The following UBR1 variants were observed in gnomAD, a reference collection of about 807,000 sequenced individuals.
UBR1 encodes E3 ubiquitin-protein ligase UBR1.
In UBR1, 102 loss-of-function variants were observed where a neutral mutation model predicts 242.1. The observed-to-expected ratio is 0.42, with a 90% CI of 0.36 to 0.50. The LOEUF (loss-of-function observed/expected upper bound fraction) is 0.50, where lower values mean the gene tolerates loss of function less well. Ranked by LOEUF, UBR1 falls within the 20% of genes least tolerant of loss-of-function variation. The pLI is 0.01. For synonymous variants in UBR1, 675 were observed against 684.8 expected, an observed-to-expected ratio of 0.99 and a Z score of 0.22; for missense variants, 1,772 against 2,101.8, an observed-to-expected ratio of 0.84 and a Z score of 3.07.
At chr15:43,044,385 A>G (rs2033457650) in intron 14 of UBR1, among the ~76,000 whole-genome samples, 1 of 152,350 alleles carries the variant, frequency 6.6e-6, no homozygotes, top group East Asian at 1.9e-4. Context: ...AGGACAAAAA[A>G]GAATGAACCC....
At chr15:42,994,258 C>T (rs751831134) in intron 33 of UBR1, among the ~76,000 whole-genome samples, 8 of 151,406 alleles carry the variant, frequency 5.3e-5, no homozygotes, top group Non-Finnish European at 1.0e-4. Flanking sequence ...ATTAATAATC[C>T]ATGGAAAGGC....
intron 35 of UBR1, 147 bp from the exon 36 acceptor site, chr15:42,985,089 C>T: frequency 1.6e-6 from 1 of 614,346 alleles, no homozygotes; most frequent in Non-Finnish European, 2.6e-6. Flanking sequence ...TAAGTCTATG[C>T]CAAAATTTTC....
chr15:42,961,836 C>A (rs1383588249), intron 42 of UBR1, among the ~76,000 whole-genome samples: 1 of 152,012 alleles, frequency 6.6e-6, no homozygotes, highest in South Asian at 2.1e-4. Context: ...CTCACTGCAA[C>A]CTTCGCCTCC....
chr15:42,960,103 C>T (rs977666539), intron 43 of UBR1, among the ~76,000 whole-genome samples: 6 of 151,956 alleles, frequency 3.9e-5, no homozygotes, highest in Non-Finnish European at 8.8e-5. Context: ...ATGAGAGAGA[C>T]TATATTAGGG....
At chr15:43,053,823 C>T (rs963122662) in intron 12 of UBR1, among the ~76,000 whole-genome samples, 1 of 148,060 alleles carries the variant, frequency 6.8e-6, no homozygotes, top group South Asian at 2.1e-4. Flanking sequence ...CTGATACAGA[C>T]GCAATTTTTT....
At chr15:43,042,719 G>A (rs2033435741) in intron 15 of UBR1, among the ~76,000 whole-genome samples, 1 of 152,100 alleles carries the variant, frequency 6.6e-6, no homozygotes, top group Non-Finnish European at 1.5e-5. Context: ...TTTATGTCAT[G>A]TACATTTTAT....
intron 1 of UBR1, among the ~76,000 whole-genome samples, chr15:43,090,979 G>T (rs1282859775): frequency 6.6e-6 from 1 of 151,584 alleles, no homozygotes; most frequent in Non-Finnish European, 1.5e-5. Flanking sequence ...TGCTCTTCTT[G>T]CCCAGGCTGG....
intron 43 of UBR1, among the ~76,000 whole-genome samples, chr15:42,958,700 A>G (rs888945542): frequency 6.6e-6 from 1 of 152,238 alleles, no homozygotes; most frequent in African/African-American, 2.4e-5. Context: ...TACTTAATAC[A>G]TGCTTGCAAA....
intron 1 of UBR1, chr15:43,091,983 G>A (rs1176912286): frequency 2.2e-6 from 1 of 453,028 alleles, no homozygotes; most frequent in Non-Finnish European, 4.4e-6. Context: ...CTATTCGGGA[G>A]GCTGAGGTGG....
chr15:43,027,042 T>A lies in UBR1; in HGVS notation c.2433-379A>T, dbSNP rs1409294098. ...AGACACTTCATTGTCTAAGGTCATA[T>A]CTAAAACAGTAGGGAGACATCATAA... is the stretch of plus-strand genomic sequence containing the variant. On this transcript the variant is annotated intron_variant, in intron 22 of 46. Coordinates refer to ENST00000290650, the MANE Select transcript of UBR1 (RefSeq NM_174916.3). Among the ~76,000 whole-genome samples the A allele has an allele frequency of 2.0e-5, 3 of 152,080 alleles. No individual in the cohort carries two copies. In the East Asian group the frequency reaches 5.8e-4, roughly 29 times the overall value.
intron 39 of UBR1, among the ~76,000 whole-genome samples, chr15:42,975,336 A>G (rs913565039): frequency 6.6e-6 from 1 of 152,246 alleles, no homozygotes; most frequent in Non-Finnish European, 1.5e-5. Context: ...AGATCAATTC[A>G]TATCAGATCT....
chr15:42,959,669 T>C (rs2031981820), intron 43 of UBR1, among the ~76,000 whole-genome samples: 1 of 152,200 alleles, frequency 6.6e-6, no homozygotes, highest in Non-Finnish European at 1.5e-5. Context: ...AGTCCAAAAA[T>C]ATGTATTCAT....
chr15:42,998,225 G>A lies in UBR1; in HGVS notation c.3700C>T (p.Arg1234Trp), dbSNP rs770295197. Residue 1234 changes from arginine (R) to tryptophan (W), a missense_variant, in exon 33 of 47, where the codon CGG becomes TGG. This residue lies in a region of UBR1 where 965 missense variants were observed against 1,079.7 expected (regional missense o/e 0.89). Coordinates refer to ENST00000290650, the MANE Select transcript of UBR1 (RefSeq NM_174916.3). The part of the protein sequence containing the change: ...DALAQLLTLA[R>W]WIQTVLARIS... ...CTGGCCAGAACAGTCTGTATCCACC[G>A]TGCCAGGGTCAAAAGTTGAGCAAGA... 26 of 1,613,784 alleles carry A rather than the reference G, an allele frequency of 1.6e-5. No individual in the cohort carries two copies. Among genetic ancestry groups the A allele is most frequent in the Middle Eastern group, 1.6e-4 (1 of 6,082 alleles).
chr15:43,047,201 T>G lies in UBR1; in HGVS notation c.1628A>C (p.Lys543Thr). The change falls in exon 14 of 47, where the codon AAG (lysine) becomes ACG (threonine). Residue 543 changes from lysine (K) to threonine (T), a missense_variant. Physicochemically the swap from Lys to Thr is moderately conservative, Grantham distance 78. Transcript: ENST00000290650. ...CTCTTGGAACATGAGTAAAATATTC[T>G]TCAATTGCATCTGTATAGCAATGGC... is the stretch of plus-strand genomic sequence containing the variant. ...EAAIAIQMQL[K>T]NILLMFQEWC... 1 of 1,614,222 alleles carries G rather than the reference T, an allele frequency of 6.2e-7. No homozygotes were observed. Among genetic ancestry groups the G allele is most frequent in the Non-Finnish European group, 8.5e-7 (1 of 1,180,036 alleles).
chr15:43,058,219 C>G, intron 10 of UBR1, 122 bp downstream of exon 10: 1 of 827,322 alleles, frequency 1.2e-6, no homozygotes, highest in East Asian at 2.8e-5. Context: ...CAAGAACAAA[C>G]TTTTGACAAA....
chr15:43,036,199 C>A lies in UBR1; in HGVS notation c.2169G>T (p.Lys723Asn), dbSNP rs2033332967. 6.2e-7 allele frequency: 1 copy of A among 1,613,340 alleles called. No homozygotes were observed. Among genetic ancestry groups the A allele is most frequent in the Non-Finnish European group, 8.5e-7 (1 of 1,179,620 alleles). Residue 723 changes from lysine to asparagine, a missense_variant, in exon 19 of 47, where the codon AAG (lysine) becomes AAT (asparagine). By Grantham distance (94) the Lys-to-Asn change is moderately conservative. Coordinates refer to ENST00000290650, the MANE Select transcript of UBR1 (RefSeq NM_174916.3). ...ATACCTGGTCTTTTGTAGATATGGT[C>A]TTGTTAAAAGCCTCGGCAAGTTCAT... ...QRYELAEAFN[K>N]TISTKDQDLI...
intron 12 of UBR1, among the ~76,000 whole-genome samples, chr15:43,050,431 C>T (rs531696978): frequency 2.0e-5 from 3 of 152,092 alleles, no homozygotes; most frequent in East Asian, 3.9e-4. Context: ...TAAGTGAGGC[C>T]GGGTGCAGTG....
At chr15:43,092,961 C>T (rs1392633907) in intron 1 of UBR1, among the ~76,000 whole-genome samples, 1 of 151,860 alleles carries the variant, frequency 6.6e-6, no homozygotes, top group Non-Finnish European at 1.5e-5. Flanking sequence ...GATTTTTTGC[C>T]TTTGGTTGGT....
At chr15:42,991,230 C>T (rs1446462292) in intron 33 of UBR1, among the ~76,000 whole-genome samples, 1 of 151,452 alleles carries the variant, frequency 6.6e-6, no homozygotes, top group Non-Finnish European at 1.5e-5. Flanking sequence ...GAGCCGAGAT[C>T]GCACCACTGC....
Sources: gnomAD v4.1 joint callset for allele counts (sites outside exome capture counted in the v4.1 genomes callset) on GRCh38, gnomAD v4.1.1 for gene constraint, gnomAD v4.1.1 regional missense constraint, MANE v1.5 for transcripts, NCBI Gene and HGNC (gene_info 2026-07-23, HGNC 2026-07-21) for gene names.